The following USP7 variants were observed in gnomAD, a reference collection of about 807,000 sequenced individuals.
USP7 encodes the protein ubiquitin C-terminal hydrolase 7.
Under a neutral mutation model 162.9 loss-of-function variants are expected in USP7, and 9 were observed. The ratio of observed to expected loss-of-function variants is 0.06; its 90% confidence interval spans 0.03 to 0.10. The LOEUF (loss-of-function observed/expected upper bound fraction) is 0.10, where lower values mean the gene tolerates loss of function less well. USP7 is among the 10% of genes least tolerant of loss of function. USP7 has a pLI of 1.00. For synonymous variants in USP7, 562 were observed against 475.9 expected, an observed-to-expected ratio of 1.18 and a Z score of -2.35; for missense variants, 715 against 1,373.7, an observed-to-expected ratio of 0.52 and a Z score of 7.58.
chr16:8,946,574 C>T (rs569476656), intron 1 of USP7, among the ~76,000 whole-genome samples: 289 of 152,262 alleles, frequency 1.9e-3, no homozygotes, highest in Non-Finnish European at 3.4e-3. Context: ...AACAACAGTT[C>T]ACAAAACTCA....
At chr16:8,908,812 A>G (rs1310328873) in intron 11 of USP7, among the ~76,000 whole-genome samples, 1 of 152,218 alleles carries the variant, frequency 6.6e-6, no homozygotes, top group Non-Finnish European at 1.5e-5. Flanking sequence ...ACCACAGAAA[A>G]ATCATTAAAT....
chr16:8,896,109 G>C (rs2141161023), intron 26 of USP7, among the ~76,000 whole-genome samples: 1 of 150,886 alleles, frequency 6.6e-6, no homozygotes, highest in South Asian at 2.1e-4. Flanking sequence ...GAAGTGCTGG[G>C]ATTATAGGTG....
intron 1 of USP7, among the ~76,000 whole-genome samples, chr16:8,954,293 G>A (rs1899689429): frequency 6.6e-6 from 1 of 152,190 alleles, no homozygotes; most frequent in Non-Finnish European, 1.5e-5. Flanking sequence ...GGTGCCCCTG[G>A]GAACCTAAAG....
chr16:8,905,518 G>A (rs1278733425), intron 13 of USP7, among the ~76,000 whole-genome samples, 187 bp from the exon 14 acceptor site: 3 of 152,156 alleles, frequency 2.0e-5, no homozygotes, highest in African/African-American at 4.8e-5. Flanking sequence ...TCAGGCATCC[G>A]CTCATACAAT....
Position 8,906,379 on chromosome 16 carries a change from T to A in USP7, c.1428+47A>T, listed in dbSNP as rs186174413. 14 of 1,588,208 alleles carry A rather than the reference T, an allele frequency of 8.8e-6. No homozygotes were observed. The East Asian group carries it at 3.1e-4, about 36-fold the overall frequency. ...AGAACAGGCTGAAGCAGAGCTTGTG[T>A]TAACTTTCTGATGAGCTTGCATTCA... On this transcript the variant is annotated intron_variant, in intron 13 of 30. Coordinates refer to ENST00000344836, the MANE Select transcript of USP7 (RefSeq NM_003470.3).
At chr16:8,905,707 A>C (rs989949742) in intron 13 of USP7, among the ~76,000 whole-genome samples, 1 of 152,232 alleles carries the variant, frequency 6.6e-6, no homozygotes, top group African/African-American at 2.4e-5. Flanking sequence ...GAGAGTTCAA[A>C]TTTTATCCTT....
intron 22 of USP7, 58 bp downstream of exon 22, chr16:8,899,546 A>G (rs2061742078): frequency 6.3e-7 from 1 of 1,592,608 alleles, no homozygotes; most frequent in African/African-American, 1.4e-5. Context: ...GCATTTTAAG[A>G]AAGAAATTTG....
In USP7 at chr16:8,901,124, A is replaced by G. The variant is rs371708503; in HGVS notation, c.2140+18T>C. ...CTGAGCAAAATCTACTCAGAAGGTA[A>G]GTGCACGAAGGACTTACGTATTTTA... On this transcript the variant is annotated intron_variant, in intron 19 of 30. Transcript: ENST00000344836. 2.9e-4 allele frequency: 471 copies of G among 1,610,244 alleles called. 4 individuals carry two copies. The South Asian group carries it at 4.6e-3, about 16-fold the overall frequency.
chr16:8,926,436 G>GA (rs1897999509), intron 2 of USP7, among the ~76,000 whole-genome samples: 1 of 152,138 alleles, frequency 6.6e-6, no homozygotes, highest in African/African-American at 2.4e-5. Context: ...CTGAGATCAT[G>GA]GCATTGCACT....
intron 15 of USP7, among the ~76,000 whole-genome samples, chr16:8,903,734 G>T (rs541320861): frequency 6.6e-6 from 1 of 152,130 alleles, no homozygotes; most frequent in Admixed American, 6.5e-5. Flanking sequence ...GGGTGTGGTG[G>T]CACATGCCTG....
Position 8,899,766 on chromosome 16 carries a change from G to C in USP7, c.2310-9C>G. ...CATTTTCAGGGTCATCCCTGGTGGAGGGAGAAAGTTTGCAGTCTGAATCAA... is the reference window on the plus strand; with the variant it reads ...CATTTTCAGGGTCATCCCTGGTGGACGGAGAAAGTTTGCAGTCTGAATCAA... On this transcript the variant is annotated splice_polypyrimidine_tract_variant and intron_variant, in intron 21 of 30. Coordinates refer to ENST00000344836, the MANE Select transcript of USP7 (RefSeq NM_003470.3). 6.2e-7 allele frequency: 1 copy of C among 1,614,156 alleles called. No individual in the cohort carries two copies. Among genetic ancestry groups the C allele is most frequent in the Non-Finnish European group, 8.5e-7 (1 of 1,180,014 alleles).
chr16:8,894,720 C>G, intron 29 of USP7, 64 bp downstream of exon 29: 2 of 1,612,530 alleles, frequency 1.2e-6, no homozygotes, highest in Admixed American at 1.7e-5. Context: ...AAGCCTAGGC[C>G]GCTACGCTAG....
rs555812426 is a variant in USP7, at chr16:8,959,052, C to T, written c.79+4155G>A. 3.9e-5 allele frequency among the ~76,000 whole-genome samples: 6 copies of T among 152,316 alleles called. No individual in the cohort carries two copies. In the South Asian group the frequency reaches 1.2e-3, roughly 32 times the overall value. ...TTTCTTGGCTGCAAAAGCCCTACCACCAAGGCAACACCATGTGCTGAACAT... is the reference window on the plus strand; with the variant it reads ...TTTCTTGGCTGCAAAAGCCCTACCATCAAGGCAACACCATGTGCTGAACAT... On this transcript the variant is annotated intron_variant, in intron 1 of 30. Transcript: ENST00000344836.
chr16:8,909,161 C>A (rs2061904762), intron 11 of USP7, among the ~76,000 whole-genome samples: 1 of 152,232 alleles, frequency 6.6e-6, no homozygotes, highest in Non-Finnish European at 1.5e-5. Context: ...TATCACTGCT[C>A]CATCTTGGCC....
intron 1 of USP7, chr16:8,935,679 G>A (rs1567236845): frequency 6.6e-6 from 1 of 152,172 alleles, no homozygotes; most frequent in Non-Finnish European, 1.5e-5. Context: ...AGAAATAGAA[G>A]ACAGTCTCCA....
At chr16:8,929,109 C>A (rs1196831253) in intron 2 of USP7, among the ~76,000 whole-genome samples, 3 of 152,152 alleles carry the variant, frequency 2.0e-5, no homozygotes, top group Admixed American at 6.5e-5. Flanking sequence ...GAACTAGACC[C>A]GGAATGTTCC....
chr16:8,914,204 C>T (rs757541461), intron 10 of USP7, among the ~76,000 whole-genome samples: 22 of 152,066 alleles, frequency 1.4e-4, no homozygotes, highest in Non-Finnish European at 2.5e-4. Context: ...CCTCACTGAT[C>T]TTCAAGGAAA....
At chr16:8,919,162 AG>A in intron 5 of USP7, 23 bp from the exon 6 acceptor site, 1 of 1,612,684 alleles carries the variant, frequency 6.2e-7, no homozygotes, top group Non-Finnish European at 8.5e-7. Context: ...TTCAAGGTTG[AG>A]GGGATCTTGC....
intron 12 of USP7, 100 bp from the exon 13 acceptor site, chr16:8,906,682 A>T (rs1438890433): frequency 3.2e-6 from 4 of 1,231,648 alleles, no homozygotes; most frequent in Non-Finnish European, 4.5e-6. Flanking sequence ...CTCATCTTTA[A>T]TAGGATAAGC....
Sources: allele counts gnomAD v4.1 joint callset (sites outside exome capture counted in the v4.1 genomes callset), GRCh38; gene constraint gnomAD v4.1.1; transcripts MANE v1.5; gene names NCBI Gene and HGNC (gene_info 2026-07-23, HGNC 2026-07-21).